Variants in DNAH11 observed in about 807,000 individuals in gnomAD.
DNAH11 encodes dynein axonemal heavy chain 11, also known as axonemal beta dynein heavy chain 11.
DNAH11 carries 442 observed loss-of-function variants against 526.0 expected under a neutral mutation model. That is an observed-to-expected ratio of 0.84 (90% CI 0.78 to 0.91). The LOEUF is 0.91. DNAH11 is among the 40% of genes least tolerant of loss of function. The pLI is 0.00. For synonymous variants in DNAH11, 2,461 were observed against 1,935.9 expected (o/e 1.27, Z -7.12); for missense variants, 6,989 against 5,448.7 (o/e 1.28, Z -8.90).
At chr7:21,781,144 G>A (rs1787925452) in intron 57 of DNAH11, among the ~76,000 whole-genome samples, 1 of 152,256 alleles carries the variant, frequency 6.6e-6, no homozygotes, top group African/African-American at 2.4e-5. Context: ...CATACTAAAG[G>A]GGGTGAATAT....
At chr7:21,678,640 C>T (rs548668947) in intron 30 of DNAH11, among the ~76,000 whole-genome samples, 52 of 151,886 alleles carry the variant, frequency 3.4e-4, no homozygotes, top group African/African-American at 1.2e-3. Context: ...CTACAGAGAA[C>T]TCTGGGCAGT....
chr7:21,725,197 C>T (rs1785050563), intron 44 of DNAH11, among the ~76,000 whole-genome samples: 1 of 152,134 alleles, frequency 6.6e-6, no homozygotes, highest in Non-Finnish European at 1.5e-5. Flanking sequence ...AGCTGGACCC[C>T]TTAGATTTGG....
chr7:21,681,795 C>A (rs1783152098), intron 31 of DNAH11, 118 bp downstream of exon 31: 2 of 1,288,238 alleles, frequency 1.6e-6, no homozygotes, highest in Admixed American at 1.7e-5. Flanking sequence ...TTTAATTAGT[C>A]CTGAAAAGTT....
intron 49 of DNAH11, among the ~76,000 whole-genome samples, chr7:21,743,496 T>G (rs1786008427): frequency 6.6e-6 from 1 of 152,182 alleles, no homozygotes; most frequent in Non-Finnish European, 1.5e-5. Flanking sequence ...TGAAATTTCT[T>G]TTGTGACAGA....
Position 21,741,913 on chromosome 7 carries a change from G to T in DNAH11, c.7915-14G>T. 2 of 1,612,718 alleles carry T rather than the reference G, an allele frequency of 1.2e-6. No individual in the cohort carries two copies. Among genetic ancestry groups the T allele is most frequent in the Non-Finnish European group, 1.7e-6 (2 of 1,179,338 alleles). ...TTGTAATCCTTACACTCTTATATTT[G>T]CTTTTCTTTTCAGAGACATTTCACA... On this transcript the variant is annotated splice_polypyrimidine_tract_variant and intron_variant, in intron 48 of 81. Coordinates refer to ENST00000409508, the MANE Select transcript of DNAH11 (RefSeq NM_001277115.2).
rs73682654 is a variant in DNAH11, at chr7:21,630,504, G to T, written c.4501-5367G>T. ...GCATTTTTTGTAAAACTATTCTGGT[G>T]GTGGCGAATTAGCTCAGCTTTTGTT... On this transcript the variant is annotated intron_variant, in intron 25 of 81. Coordinates refer to ENST00000409508, the MANE Select transcript of DNAH11 (RefSeq NM_001277115.2). Among the ~76,000 whole-genome samples, 528 of 152,258 alleles carry T rather than the reference G, an allele frequency of 3.5e-3. 3 individuals are homozygous for T. Among genetic ancestry groups the T allele is most frequent in the African/African-American group, 0.012 (497 of 41,554 alleles).
intron 71 of DNAH11, among the ~76,000 whole-genome samples, 181 bp downstream of exon 71, chr7:21,866,844 T>C (rs1783301806): frequency 6.6e-6 from 1 of 152,180 alleles, no homozygotes; most frequent in Non-Finnish European, 1.5e-5. Context: ...AACCATGTGC[T>C]AGGCAGACTC....
intron 55 of DNAH11, among the ~76,000 whole-genome samples, chr7:21,773,377 G>A (rs1335644841): frequency 7.2e-6 from 1 of 139,112 alleles, no homozygotes; most frequent in Non-Finnish European, 1.5e-5. Context: ...CAGGGTTATT[G>A]CTTCTCTTTG....
intron 65 of DNAH11, among the ~76,000 whole-genome samples, chr7:21,830,969 G>A (rs907364353): frequency 6.6e-6 from 1 of 152,150 alleles, no homozygotes; most frequent in African/African-American, 2.4e-5. Flanking sequence ...GACAGAGGAG[G>A]AGCTCACTCC....
Position 21,851,462 on chromosome 7 carries a change from C to G in DNAH11, c.10897-1005C>G, listed in dbSNP as rs931637287. 2.7e-5 allele frequency: 12 copies of G among 450,426 alleles called. No individual in the cohort carries two copies. In the Admixed American group the frequency reaches 2.9e-4, roughly 11 times the overall value. 27.9% of individuals were successfully genotyped at this position (450,426 alleles called of 1,614,324 possible). A position where few individuals can be genotyped will look rare whatever the true frequency, so the allele number is the denominator to read the frequency against. ...CATCCAGGTCATATTAGGCACTGGC[C>G]AAGTAGTTTCCCTTGTGGGCAGGCT... On this transcript the variant is annotated intron_variant, in intron 66 of 81. Coordinates refer to ENST00000409508, the MANE Select transcript of DNAH11 (RefSeq NM_001277115.2).
chr7:21,599,778 T>C lies in DNAH11; in HGVS notation c.2668-9T>C. ...TTATATTCATCCACTAATACTTGTC[T>C]GTTTCTAGGAAAATAGGAAGCTCTT... On this transcript the variant is annotated splice_polypyrimidine_tract_variant and intron_variant, in intron 14 of 81. Coordinates refer to ENST00000409508, the MANE Select transcript of DNAH11 (RefSeq NM_001277115.2). 2 of 1,520,868 alleles carry C rather than the reference T, an allele frequency of 1.3e-6. No homozygotes were observed. Among genetic ancestry groups the C allele is most frequent in the Non-Finnish European group, 1.8e-6 (2 of 1,133,814 alleles). 94.2% of individuals were successfully genotyped at this position (1,520,868 alleles called of 1,614,324 possible).
Position 21,637,671 on chromosome 7 carries a change from C to G in DNAH11, c.4786C>G (p.Leu1596Val). ...NVLEATCRPN[L>V]YEKLKDLQSR... ...GTTAGAAGCAACGTGCAGACCTAATCTCTATGAAAAACTTAAAGATTTACA... is the reference window on the plus strand; with the variant it reads ...GTTAGAAGCAACGTGCAGACCTAATGTCTATGAAAAACTTAAAGATTTACA... Residue 1596 changes from leucine to valine, a missense_variant, in exon 27 of 82, where the codon CTC becomes GTC. Physicochemically the swap from Leu to Val is conservative, Grantham distance 32. Transcript: ENST00000409508. The G allele has an allele frequency of 6.3e-7, 1 of 1,576,860 alleles. No individual in the cohort carries two copies.
chr7:21,845,359 G>T (rs922723281), intron 66 of DNAH11, among the ~76,000 whole-genome samples: 1 of 152,044 alleles, frequency 6.6e-6, no homozygotes, highest in Non-Finnish European at 1.5e-5. Flanking sequence ...ATTTAGCTCT[G>T]TTGTATATTT....
At chr7:21,679,831 T>C (rs968118764) in intron 30 of DNAH11, among the ~76,000 whole-genome samples, 10 of 152,218 alleles carry the variant, frequency 6.6e-5, no homozygotes, top group African/African-American at 1.9e-4. Context: ...AATTTTCTCA[T>C]CTGCAAAGTT....
In DNAH11 at chr7:21,881,630, A is replaced by G. The variant is rs146099235; in HGVS notation, c.12387+737A>G. On this transcript the variant is annotated intron_variant, in intron 75 of 81. Transcript: ENST00000409508. ...GTTAAATCCGTTAAGACTAGGATAC[A>G]TGTGTCAAAACCAGTCAAGTGTTGT... 5.8e-3 allele frequency among the ~76,000 whole-genome samples: 879 copies of G among 152,308 alleles called. 5 individuals are homozygous for G. The highest frequency in any genetic ancestry group is 0.019 in the African/African-American group (807 of 41,574).
chr7:21,781,765 G>A (rs1172441937), intron 57 of DNAH11, among the ~76,000 whole-genome samples: 2 of 152,102 alleles, frequency 1.3e-5, no homozygotes, highest in Non-Finnish European at 2.9e-5. Context: ...ATACCACATG[G>A]GGTATTTTGG....
intron 54 of DNAH11, among the ~76,000 whole-genome samples, chr7:21,750,660 C>T (rs535076145): frequency 6.6e-6 from 1 of 152,124 alleles, no homozygotes; most frequent in Admixed American, 6.5e-5. Flanking sequence ...AATTATCATA[C>T]AGTATAAATA....
intron 2 of DNAH11, among the ~76,000 whole-genome samples, chr7:21,551,307 A>G (rs1005362693): frequency 1.3e-5 from 2 of 152,184 alleles, no homozygotes; most frequent in Admixed American, 1.3e-4. Context: ...GCCATCTGCA[A>G]GCTTGTTTCC....
intron 66 of DNAH11, among the ~76,000 whole-genome samples, chr7:21,846,904 A>G (rs1455310707): frequency 1.3e-5 from 2 of 152,246 alleles, no homozygotes. Flanking sequence ...TTTTCAGATT[A>G]TGTATGTATT....
Sources: gnomAD v4.1 joint callset for allele counts (sites outside exome capture counted in the v4.1 genomes callset) on GRCh38, gnomAD v4.1.1 for gene constraint, MANE v1.5 for transcripts, NCBI Gene and HGNC (gene_info 2026-07-23, HGNC 2026-07-21) for gene names.